Variants in NIBAN1 observed in about 807,000 individuals in gnomAD.
The protein encoded by NIBAN1 is niban apoptosis regulator 1.
Under a neutral mutation model 75.1 loss-of-function variants are expected in NIBAN1, and 81 were observed. That is an observed-to-expected ratio of 1.08 (90% CI 0.90 to 1.30). The LOEUF (loss-of-function observed/expected upper bound fraction) is 1.30. Ranked by LOEUF, NIBAN1 falls within the 50% of genes most tolerant of loss-of-function variation. NIBAN1 has a pLI of 0.00. For missense variants in NIBAN1, 1,133 were observed against 1,128.1 expected (o/e 1.00, Z -0.06); for synonymous variants, 436 against 424.8 (o/e 1.03, Z -0.32).
In NIBAN1 at chr1:184,903,758, G is replaced by A. The variant is rs548363010; in HGVS notation, c.56-4449C>T. ...CTTTTTTTTTTTTTTTTTTTTTTGA[G>A]ATAGTCTCAATCTGTCACCCAGGCT... is the stretch of plus-strand genomic sequence containing the variant. On this transcript the variant is annotated intron_variant, in intron 1 of 13. Coordinates refer to ENST00000367511, the MANE Select transcript of NIBAN1 (RefSeq NM_052966.4). Among the ~76,000 whole-genome samples the A allele has an allele frequency of 2.1e-3, 158 of 73,506 alleles. 9 individuals are homozygous for A. The highest frequency in any genetic ancestry group is 1.3e-3 in the Non-Finnish European group (45 of 35,252). 48.2% of individuals were successfully genotyped at this position (73,506 alleles called of 152,430 possible).
At chr1:184,941,083 C>T (rs1658077057) in intron 1 of NIBAN1, among the ~76,000 whole-genome samples, 1 of 152,046 alleles carries the variant, frequency 6.6e-6, no homozygotes, top group South Asian at 2.1e-4. Context: ...TAGGACAGTA[C>T]CCAAAGCACT....
At chr1:184,936,724 A>C (rs1281126400) in intron 1 of NIBAN1, among the ~76,000 whole-genome samples, 1 of 151,692 alleles carries the variant, frequency 6.6e-6, no homozygotes, top group Non-Finnish European at 1.5e-5. Context: ...TGTGTGTGTA[A>C]CCTCCCTCTG....
intron 1 of NIBAN1, among the ~76,000 whole-genome samples, chr1:184,941,691 A>T (rs994485094): frequency 1.3e-5 from 2 of 151,528 alleles, no homozygotes; most frequent in Admixed American, 1.3e-4. Flanking sequence ...GATCCCATAG[A>T]TCTGAATTTA....
chr1:184,970,073 G>A (rs1658897806), intron 1 of NIBAN1, among the ~76,000 whole-genome samples: 1 of 151,692 alleles, frequency 6.6e-6, no homozygotes, highest in African/African-American at 2.4e-5. Context: ...GGAGGGTGAG[G>A]TGGGAGGATC....
intron 1 of NIBAN1, among the ~76,000 whole-genome samples, chr1:184,917,447 G>T (rs1210337738): frequency 6.9e-6 from 1 of 143,908 alleles, no homozygotes; most frequent in Non-Finnish European, 1.5e-5. Context: ...CTGACCTCGT[G>T]ATCCGCCCGC....
At chr1:184,971,828 T>C (rs1658944430) in intron 1 of NIBAN1, among the ~76,000 whole-genome samples, 1 of 152,186 alleles carries the variant, frequency 6.6e-6, no homozygotes, top group African/African-American at 2.4e-5. Context: ...TCCTAAAAAT[T>C]TATTCTGTTG....
At chr1:184,835,879 T>C (rs1344269542) in intron 5 of NIBAN1, among the ~76,000 whole-genome samples, 1 of 152,236 alleles carries the variant, frequency 6.6e-6, no homozygotes, top group Non-Finnish European at 1.5e-5. Flanking sequence ...TCCAACACTA[T>C]GTTGAATGGG....
chr1:184,856,725 G>T (rs547325026), intron 5 of NIBAN1, among the ~76,000 whole-genome samples: 2 of 152,316 alleles, frequency 1.3e-5, no homozygotes, highest in Non-Finnish European at 2.9e-5. Flanking sequence ...GTTTGAGTGG[G>T]AAAGAATAAT....
At chr1:184,864,284 T>C (rs1655891719) in intron 5 of NIBAN1, among the ~76,000 whole-genome samples, 1 of 152,242 alleles carries the variant, frequency 6.6e-6, no homozygotes. Flanking sequence ...ATATTAGCAA[T>C]GTGAGCTATC....
rs886490686 is a variant in NIBAN1 at position 184,827,961 on chromosome 1, T to G, written c.717+3886A>C. Among the ~76,000 whole-genome samples the G allele has an allele frequency of 1.0e-4, 15 of 143,130 alleles. 1 individual carries two copies. Among genetic ancestry groups the G allele is most frequent in the South Asian group, 8.9e-4 (4 of 4,498 alleles). The allele number at this position is 143,130 out of a possible 152,430, so 93.9% of individuals were successfully genotyped here. A position where few individuals can be genotyped will look rare whatever the true frequency, so the allele number is the denominator to read the frequency against. On this transcript the variant is annotated intron_variant, in intron 6 of 13. Transcript: ENST00000367511. ...AAAATGCGGGTAGTTTTGTTTTTTGTTTTTTTTTTTTTTTTCCGTCTTGAA... is the reference window on the plus strand; with the variant it reads ...AAAATGCGGGTAGTTTTGTTTTTTGGTTTTTTTTTTTTTTTCCGTCTTGAA...
At position 184,795,694 on chromosome 1, in the gene NIBAN1, A is replaced by C. The variant is rs1475960834; in HGVS notation, c.2070T>G (p.Leu690=). 1 of 1,613,884 alleles carries C rather than the reference A, an allele frequency of 6.2e-7. No individual in the cohort carries two copies. The highest frequency in any genetic ancestry group is 1.3e-5 in the African/African-American group (1 of 74,892). ...CSSELEFGGT[L]EDEEPAQEEP... ...CTTCCTGGGCGGGTTCTTCATCCTC[A>C]AGGGTCCCTCCAAACTCCAGCTCTG... Residue 690 remains leucine (L), a synonymous_variant, in exon 14 of 14, where the codon CTT becomes CTG. Transcript: ENST00000367511.
chr1:184,905,716 C>A (rs1243861770), intron 1 of NIBAN1, among the ~76,000 whole-genome samples: 1 of 152,150 alleles, frequency 6.6e-6, no homozygotes, highest in Non-Finnish European at 1.5e-5. Flanking sequence ...GGCATTCTCC[C>A]AAGATTGTGT....
chr1:184,905,676 T>C (rs1272969567), intron 1 of NIBAN1, among the ~76,000 whole-genome samples: 2 of 152,124 alleles, frequency 1.3e-5, no homozygotes, highest in Admixed American at 1.3e-4. Context: ...TCTTTGGATC[T>C]CCCCAGCTGG....
chr1:184,956,975 C>A (rs1658506624), intron 1 of NIBAN1, among the ~76,000 whole-genome samples: 1 of 152,214 alleles, frequency 6.6e-6, no homozygotes, highest in South Asian at 2.1e-4. Flanking sequence ...TGGCTTCAGG[C>A]CACTGCCACT....
chr1:184,961,385 TA>T (rs1658639927), intron 1 of NIBAN1, among the ~76,000 whole-genome samples: 1 of 152,086 alleles, frequency 6.6e-6, no homozygotes, highest in Non-Finnish European at 1.5e-5. Context: ...CTGTTCTTTC[TA>T]ACCAAAATAT....
intron 1 of NIBAN1, among the ~76,000 whole-genome samples, chr1:184,947,714 C>T (rs1479856203): frequency 1.3e-5 from 2 of 152,172 alleles, no homozygotes; most frequent in Non-Finnish European, 2.9e-5. Flanking sequence ...GAGGAAGTGG[C>T]AGAGGACTTG....
chr1:184,929,759 C>T (rs1193235535), intron 1 of NIBAN1, among the ~76,000 whole-genome samples: 1 of 152,128 alleles, frequency 6.6e-6, no homozygotes, highest in Non-Finnish European at 1.5e-5. Context: ...TGCATCAGCT[C>T]CACTAACGTG....
chr1:184,948,446 A>G (rs993448322), intron 1 of NIBAN1, among the ~76,000 whole-genome samples: 1 of 152,230 alleles, frequency 6.6e-6, no homozygotes, highest in Non-Finnish European at 1.5e-5. Context: ...TGTGGCTGAT[A>G]TATTATGCAT....
At position 184,871,936 on chromosome 1, in the gene NIBAN1, T is replaced by C. The variant is rs114055865; in HGVS notation, c.601+12697A>G. 6.2e-3 allele frequency among the ~76,000 whole-genome samples: 951 copies of C among 152,194 alleles called. 5 individuals are homozygous for C. Among genetic ancestry groups the C allele is most frequent in the African/African-American group, 0.021 (889 of 41,520 alleles). On this transcript the variant is annotated intron_variant, in intron 5 of 13. Transcript: ENST00000367511. ...GCACATTAGCTACATGGTCCAAATA[T>C]CTGGTAGTGTCCTCAAGCATCTAGT...
Sources: gnomAD v4.1 joint callset for allele counts (sites outside exome capture counted in the v4.1 genomes callset) on GRCh38, gnomAD v4.1.1 for gene constraint, MANE v1.5 for transcripts, NCBI Gene and HGNC (gene_info 2026-07-23, HGNC 2026-07-21) for gene names.